The following SPMIP2 variants were observed in gnomAD, a reference collection of about 807,000 sequenced individuals.
SPMIP2 encodes the protein protein SPMIP2.
the SPMIP2 span, among the ~76,000 whole-genome samples, chr4:158,916,880 G>GCCAT: frequency 1.3e-5 from 2 of 152,144 alleles, no homozygotes; most frequent in Admixed American, 1.3e-4. Flanking sequence ...CTGACCTCAG[G>GCCAT]CCATCCTCCC....
the SPMIP2 span, among the ~76,000 whole-genome samples, chr4:158,962,913 C>T: frequency 1.3e-5 from 2 of 152,144 alleles, no homozygotes; most frequent in Admixed American, 1.3e-4. Flanking sequence ...TCATTTTATG[C>T]CACATTATAG....
the SPMIP2 span, among the ~76,000 whole-genome samples, chr4:159,046,774 T>C: frequency 9.5e-4 from 145 of 152,360 alleles, no homozygotes; most frequent in African/African-American, 3.4e-3. Flanking sequence ...GCTTTCACCA[T>C]GTTGGCCAGC....
At chr4:159,041,560 T>C in the SPMIP2 span, among the ~76,000 whole-genome samples, 19 of 152,228 alleles carry the variant, frequency 1.2e-4, no homozygotes, top group Admixed American at 1.2e-3. Context: ...TAGTTGAAAA[T>C]AGAACCACCA....
chr4:158,960,470 TTAAAAGAAGATCA>T, the SPMIP2 span: 7 of 567,028 alleles, frequency 1.2e-5, no homozygotes, highest in African/African-American at 1.2e-4. Context: ...CTAAATTCAG[TTAAAAGAAGATCA>T]GAGAAGAAGA....
the SPMIP2 span, among the ~76,000 whole-genome samples, chr4:158,898,132 A>G: frequency 6.6e-6 from 1 of 152,158 alleles, no homozygotes; most frequent in Non-Finnish European, 1.5e-5. Context: ...AGGTTTGTCA[A>G]AGATCAGATG....
the SPMIP2 span, among the ~76,000 whole-genome samples, chr4:159,003,835 A>C: frequency 7.9e-5 from 12 of 152,190 alleles, no homozygotes; most frequent in African/African-American, 2.9e-4. Flanking sequence ...ATGGTAGCTC[A>C]AACTACCATT....
chr4:158,977,395 T>C, the SPMIP2 span, among the ~76,000 whole-genome samples: 2 of 152,220 alleles, frequency 1.3e-5, no homozygotes, highest in African/African-American at 4.8e-5. Flanking sequence ...GTGTTTACAG[T>C]ATTCTCTGAT....
At chr4:158,922,276 C>T in the SPMIP2 span, among the ~76,000 whole-genome samples, 1 of 152,256 alleles carries the variant, frequency 6.6e-6, no homozygotes, top group East Asian at 1.9e-4. Flanking sequence ...GTATGGCCTC[C>T]TCACACCACT....
At chr4:158,955,596 G>A in the SPMIP2 span, among the ~76,000 whole-genome samples, 4 of 152,020 alleles carry the variant, frequency 2.6e-5, no homozygotes, top group Admixed American at 2.0e-4. Flanking sequence ...ATTAGAGATG[G>A]GATTTCACTA....
At chr4:158,973,616 G>A in the SPMIP2 span, among the ~76,000 whole-genome samples, 1 of 152,118 alleles carries the variant, frequency 6.6e-6, no homozygotes, top group Admixed American at 6.6e-5. Flanking sequence ...TAGCTAACAA[G>A]CTCTTTGTAC....
chr4:158,918,844 G>A, the SPMIP2 span, among the ~76,000 whole-genome samples: 412 of 152,304 alleles, frequency 2.7e-3, 3 homozygotes, highest in African/African-American at 8.9e-3. Flanking sequence ...TGCCAGGCCC[G>A]CGTGATGGGT....
the SPMIP2 span, among the ~76,000 whole-genome samples, chr4:158,948,103 C>T: frequency 2.6e-5 from 4 of 152,126 alleles, no homozygotes; most frequent in African/African-American, 9.7e-5. Context: ...TTCTGGAGCC[C>T]CCACTTTGCT....
At chr4:159,075,507 G>A in the SPMIP2 span, among the ~76,000 whole-genome samples, 1 of 152,130 alleles carries the variant, frequency 6.6e-6, no homozygotes, top group African/African-American at 2.4e-5. Flanking sequence ...TCTAGTAGAT[G>A]AGTGGCCTGG....
At chr4:159,008,525 T>G in the SPMIP2 span, among the ~76,000 whole-genome samples, 2 of 151,698 alleles carry the variant, frequency 1.3e-5, no homozygotes, top group African/African-American at 2.4e-5. Flanking sequence ...ACCAAGATCG[T>G]GCCACTGCAC....
At chr4:158,973,757 G>A in the SPMIP2 span, among the ~76,000 whole-genome samples, 1 of 152,164 alleles carries the variant, frequency 6.6e-6, no homozygotes, top group South Asian at 2.1e-4. Context: ...GGGAGGCCAA[G>A]GTGGGTGCAT....
At chr4:158,941,138 C>A in the SPMIP2 span, among the ~76,000 whole-genome samples, 1 of 152,136 alleles carries the variant, frequency 6.6e-6, no homozygotes, top group African/African-American at 2.4e-5. Context: ...CAAATGCACA[C>A]GTACAGATAG....
chr4:158,915,131 A>G, the SPMIP2 span: 2 of 1,556,556 alleles, frequency 1.3e-6, no homozygotes, highest in Non-Finnish European at 1.7e-6. Flanking sequence ...AAGCAGCCTG[A>G]CTTTTTCTAT....
the SPMIP2 span, among the ~76,000 whole-genome samples, chr4:158,958,701 G>A: frequency 6.6e-6 from 1 of 152,164 alleles, no homozygotes; most frequent in Non-Finnish European, 1.5e-5. Flanking sequence ...AGAATGCAAA[G>A]GGGTGGGGCA....
At chr4:158,993,194 C>T in the SPMIP2 span, among the ~76,000 whole-genome samples, 2 of 151,716 alleles carry the variant, frequency 1.3e-5, no homozygotes, top group Non-Finnish European at 2.9e-5. Flanking sequence ...GACCCTGTCT[C>T]TACAAAAAAA....
Sources: allele counts gnomAD v4.1 joint callset (sites outside exome capture counted in the v4.1 genomes callset), GRCh38; gene constraint gnomAD v4.1.1; transcripts MANE v1.5; gene names NCBI Gene and HGNC (gene_info 2026-07-23, HGNC 2026-07-21).